Variants in GNAS observed in about 807,000 individuals in gnomAD.
GNAS encodes GNAS complex locus.
In GNAS, 8 loss-of-function variants were observed where a neutral mutation model predicts 54.5. The observed-to-expected ratio is 0.15, with a 90% CI of 0.09 to 0.26. GNAS has a LOEUF of 0.26. GNAS is among the 10% of genes least tolerant of loss of function. The pLI is 1.00. For missense variants in GNAS, 170 were observed against 529.8 expected (o/e 0.32, Z 6.67); for synonymous variants, 204 against 191.4 (o/e 1.07, Z -0.54).
rs1409061560 is a variant in GNAS, at chr20:58,891,914, G to T, written c.139+49G>T. 5 of 965,222 alleles carry T rather than the reference G, an allele frequency of 5.2e-6. No homozygotes were observed. In the African/African-American group the frequency reaches 9.2e-5, roughly 18 times the overall value. The allele number at this position is 965,222 out of a possible 1,614,324, so 59.8% of individuals were successfully genotyped here. The stretch of plus-strand genomic sequence containing the variant: ...GCCCCGGCCCGGGGGCCCTCGAAGG[G>T]CGCCCCGCAGGCCGCGCGCGCCGAG... On this transcript the variant is annotated intron_variant, in intron 1 of 12. Transcript: ENST00000371085.
At chr20:58,903,898 A>C in intron 5 of GNAS, 107 bp downstream of exon 5, 1 of 1,145,750 alleles carries the variant, frequency 8.7e-7, no homozygotes, top group Non-Finnish European at 1.3e-6. Context: ...CATCCAAACC[A>C]CACTTCAGGC....
In GNAS at chr20:58,911,077, A is replaced by T. The variant is rs15053; in HGVS notation, c.*248A>T. On this transcript the variant is annotated 3_prime_UTR_variant, in exon 13 of 13. Transcript: ENST00000371085. ...AAGTTCCCTCTCACTTTCAGTAAAA[A>T]TAAATAAAACAGCAGCAGCAAACAA... The T allele has an allele frequency of 1.9e-5, 12 of 647,236 alleles. No individual in the cohort carries two copies. Among genetic ancestry groups the T allele is most frequent in the Non-Finnish European group, 3.1e-5 (11 of 353,438 alleles). The allele number at this position is 647,236 out of a possible 1,614,324, so 40.1% of individuals were successfully genotyped here.
upstream of GNAS, chr20:58,891,273 C>CTCCTCCTCCTCCTCCTCCT (rs1386674310): frequency 7.0e-6 from 1 of 143,186 alleles, no homozygotes; most frequent in East Asian, 2.1e-4. Context: ...CTCCTCGGCC[C>CTCCTCCTCCTCCTCCTCCT]TCCTCCTCCT....
intron 1 of GNAS, among the ~76,000 whole-genome samples, chr20:58,893,398 C>G (rs1347316234): frequency 6.6e-6 from 1 of 152,096 alleles, no homozygotes; most frequent in African/African-American, 2.4e-5. Flanking sequence ...TTTTCCACTT[C>G]CTTGATAATT....
chr20:58,901,832 TC>T (rs1159510105), intron 3 of GNAS, among the ~76,000 whole-genome samples: 1 of 136,760 alleles, frequency 7.3e-6, no homozygotes, highest in East Asian at 2.6e-4. Context: ...GACCCCACCG[TC>T]CGTCCCCGCC....
At chr20:58,887,460 G>A (rs2088668316), upstream of GNAS, among the ~76,000 whole-genome samples, 1 of 152,188 alleles carries the variant, frequency 6.6e-6, no homozygotes. Context: ...ATGGTAGTGA[G>A]CCTCACTATC....
chr20:58,869,855 G>A (rs2087319592), intron 1 of GNAS, among the ~76,000 whole-genome samples: 1 of 152,214 alleles, frequency 6.6e-6, no homozygotes, highest in South Asian at 2.1e-4. Context: ...GCACTGCCTT[G>A]GGGCAGGCCA....
rs147195152 is a variant in GNAS, at chr20:58,855,474, T to A, written c.43+14588T>A. On this transcript the variant is annotated intron_variant, in intron 1 of 12. Transcript: ENST00000306090. ...AGGCGGGAAGAACTTGCTAGAAAGT[T>A]CCAGGGAGGGACCCTAACTGCCCTG... is the stretch of plus-strand genomic sequence containing the variant. The A allele has an allele frequency of 1.2e-5, 10 of 825,690 alleles. No homozygotes were observed. The East Asian group carries it at 2.7e-4, about 22-fold the overall frequency. 51.1% of individuals were successfully genotyped at this position (825,690 alleles called of 1,614,324 possible). A position where few individuals can be genotyped will look rare whatever the true frequency, so the allele number is the denominator to read the frequency against.
upstream of GNAS, among the ~76,000 whole-genome samples, chr20:58,889,773 C>A (rs1360386796): frequency 6.9e-6 from 1 of 143,994 alleles, no homozygotes; most frequent in Non-Finnish European, 1.5e-5. Context: ...GGAACCGCAG[C>A]CAAGCCCCCC....
intron 1 of GNAS, among the ~76,000 whole-genome samples, chr20:58,859,628 C>CTTTT (rs527301154): frequency 7.2e-6 from 1 of 138,846 alleles, no homozygotes; most frequent in Non-Finnish European, 1.6e-5. Context: ...ATATCAGACA[C>CTTTT]TTTTTTTTTT....
intron 2 of GNAS, chr20:58,898,633 GT>G: frequency 3.9e-6 from 2 of 512,478 alleles, no homozygotes; most frequent in Non-Finnish European, 7.1e-6. Flanking sequence ...TCCCTAATGC[GT>G]GTACGTTTAG....
chr20:58,853,974 A>T lies in GNAS; in HGVS notation c.43+13088A>T. ...TGATGGAGAAGGATTTGGGGACGAC[A>T]GCCCACCCCCGGGGCTTTCCCGAGT... On this transcript the variant is annotated intron_variant, in intron 1 of 12. Transcript: ENST00000306090. The surrounding 1 kb of genome is among the most constrained non-coding windows in gnomAD (Gnocchi z 4.4). 1 of 1,612,304 alleles carries T rather than the reference A, an allele frequency of 6.2e-7. No individual in the cohort carries two copies. Among genetic ancestry groups the T allele is most frequent in the Non-Finnish European group, 8.5e-7 (1 of 1,179,780 alleles).
At chr20:58,861,215 T>C (rs2086767123) in intron 1 of GNAS, among the ~76,000 whole-genome samples, 3 of 152,138 alleles carry the variant, frequency 2.0e-5, no homozygotes, top group Admixed American at 6.6e-5. Flanking sequence ...AAATGTGAGG[T>C]TCCTCTCAAA....
At chr20:58,896,016 C>G (rs2090014498) in intron 2 of GNAS, among the ~76,000 whole-genome samples, 1 of 152,212 alleles carries the variant, frequency 6.6e-6, no homozygotes, top group African/African-American at 2.4e-5. Flanking sequence ...CTGCCACAGT[C>G]TTCGGACATC....
chr20:58,854,588 C>G (rs146744182), intron 1 of GNAS: 2 of 1,550,484 alleles, frequency 1.3e-6, no homozygotes, highest in Middle Eastern at 1.7e-4. Flanking sequence ...CAGCCGATCC[C>G]GACTCCGGGG....
intron 1 of GNAS, chr20:58,855,796 G>A (rs574843500): frequency 1.6e-6 from 1 of 607,394 alleles, no homozygotes; most frequent in African/African-American, 1.9e-5. Flanking sequence ...TCGTTGGTGT[G>A]TGTTGGTGTC....
At position 58,891,517 on chromosome 20, in the gene GNAS, C is replaced by T. The variant is rs1198044897; in HGVS notation, c.-210C>T. The T allele has an allele frequency of 1.0e-6, 1 of 976,152 alleles. No individual in the cohort carries two copies. Among genetic ancestry groups the T allele is most frequent in the Non-Finnish European group, 1.2e-6 (1 of 824,422 alleles). The allele number at this position is 976,152 out of a possible 1,614,324, so 60.5% of individuals were successfully genotyped here. ...CGAGGGGCGGGGAGCTGCGCGCGCC[C>T]CTCGGTCCGACCGACACCCTCCCCT... is the stretch of plus-strand genomic sequence containing the variant. On this transcript the variant is annotated 5_prime_UTR_variant, in exon 1 of 13. Transcript: ENST00000371085.
At chr20:58,886,594 G>A (rs1360281060), upstream of GNAS, among the ~76,000 whole-genome samples, 5 of 151,736 alleles carry the variant, frequency 3.3e-5, no homozygotes, top group African/African-American at 1.2e-4. Flanking sequence ...AAACAGTAAT[G>A]ATCAATTAAA....
At chr20:58,890,106 G>A (rs1240315295), upstream of GNAS, among the ~76,000 whole-genome samples, 3 of 151,834 alleles carry the variant, frequency 2.0e-5, no homozygotes, top group African/African-American at 7.2e-5. Flanking sequence ...AACAGACAAG[G>A]AGCGCAAGAA....
Sources: allele counts gnomAD v4.1 joint callset (sites outside exome capture counted in the v4.1 genomes callset), GRCh38; gene constraint gnomAD v4.1.1; non-coding constraint Gnocchi (gnomAD v3.1); transcripts MANE v1.5; gene names NCBI Gene and HGNC (gene_info 2026-07-23, HGNC 2026-07-21).